Variants in PCDH1 observed in about 807,000 individuals in gnomAD.
PCDH1 encodes the protein protocadherin-1.
In PCDH1, 23 loss-of-function variants were observed where a neutral mutation model predicts 74.6. The ratio of observed to expected loss-of-function variants is 0.31; its 90% CI spans 0.22 to 0.44. The LOEUF is 0.44. PCDH1 is among the 20% of genes least tolerant of loss of function. The probability of loss-of-function intolerance (pLI) is 1.00; values close to 1 mark genes in which losing one functional copy is unlikely to be tolerated. For synonymous variants in PCDH1, 647 were observed against 686.1 expected, an observed-to-expected ratio of 0.94 and a Z score of 0.89; for missense variants, 1,214 against 1,641.4, an observed-to-expected ratio of 0.74 and a Z score of 4.50.
chr5:141,877,873 C>G (rs1753279363), intron 1 of PCDH1, among the ~76,000 whole-genome samples: 1 of 152,192 alleles, frequency 6.6e-6, no homozygotes, highest in Non-Finnish European at 1.5e-5. Flanking sequence ...AGACCCCCAC[C>G]AAACTGGGGG....
chr5:141,863,777 T>A lies in PCDH1; in HGVS notation c.2554A>T (p.Asn852Tyr). ...CCAGCCACCACACCAAAGAGAATGT[T>A]GCCACGCTGCTTGGAGCGCTCATAT... Reference protein sequence around the residue: ...PEYERSKQRGNILFGVVAGVV... With the variant: ...PEYERSKQRGYILFGVVAGVV... Residue 852 changes from asparagine (N) to tyrosine (Y), a missense_variant, in exon 3 of 5, where the codon AAC becomes TAC. Transcript: ENST00000287008. This position sits in a 1 kb window ranked among gnomAD's most constrained non-coding sequence, Gnocchi z 7.5. 4 of 1,614,194 alleles carry A rather than the reference T, an allele frequency of 2.5e-6. No individual in the cohort carries two copies. The highest frequency in any genetic ancestry group is 2.5e-6 in the Non-Finnish European group (3 of 1,180,032).
chr5:141,866,014 G>T, intron 2 of PCDH1: 1 of 985,128 alleles, frequency 1.0e-6, no homozygotes, highest in Non-Finnish European at 1.2e-6. Context: ...TGATTTTTGT[G>T]TGAGAAGGTA....
chr5:141,878,203 C>T lies in PCDH1; in HGVS notation c.40+20G>A, dbSNP rs1254219969. On this transcript the variant is annotated intron_variant, in intron 1 of 4. Coordinates refer to ENST00000287008, the MANE Select transcript of PCDH1 (RefSeq NM_032420.5). The surrounding 1 kb of genome is among the most constrained non-coding windows in gnomAD (Gnocchi z 5.5). Reference sequence around the variant, plus strand: ...TCGGGCCCCAAGCCGCTGCTGCCTCCACCGCCGCCGGATCCTTACCCGCCT... The same window carrying T: ...TCGGGCCCCAAGCCGCTGCTGCCTCTACCGCCGCCGGATCCTTACCCGCCT... 7.0e-7 allele frequency: 1 copy of T among 1,430,510 alleles called. No homozygotes were observed. The allele number at this position is 1,430,510 out of a possible 1,614,324, so 88.6% of individuals were successfully genotyped here.
chr5:141,877,509 G>GTGAC (rs1438757019), intron 1 of PCDH1, among the ~76,000 whole-genome samples: 1 of 152,196 alleles, frequency 6.6e-6, no homozygotes, highest in East Asian at 1.9e-4. Context: ...AACTGTGGCT[G>GTGAC]TGACACTCGT....
chr5:141,860,140 G>A (rs1752508972), intron 3 of PCDH1, among the ~76,000 whole-genome samples: 1 of 152,086 alleles, frequency 6.6e-6, no homozygotes, highest in Non-Finnish European at 1.5e-5. Flanking sequence ...TCCATGTCTT[G>A]TACAAGTTTT....
intron 1 of PCDH1, among the ~76,000 whole-genome samples, chr5:141,873,316 T>C (rs1182671352): frequency 2.7e-5 from 4 of 147,878 alleles, no homozygotes; most frequent in African/African-American, 7.5e-5. Flanking sequence ...TTTTTTTGTA[T>C]TTTAGTAGAG....
In PCDH1 at chr5:141,865,681, A is replaced by G. The variant is rs1254371794; in HGVS notation, c.904-254T>C. Among the ~76,000 whole-genome samples, 1 of 152,192 alleles carries G rather than the reference A, an allele frequency of 6.6e-6. No individual in the cohort carries two copies. Among genetic ancestry groups the G allele is most frequent in the Non-Finnish European group, 1.5e-5 (1 of 68,040 alleles). On this transcript the variant is annotated intron_variant, in intron 2 of 4. Transcript: ENST00000287008. The surrounding 1 kb of genome is among the most constrained non-coding windows in gnomAD (Gnocchi z 4.4). ...ATCCTCAACAGTGCTACAGGCAACT[A>G]TTGGAGATGGGACAGGGCAGAATTA...
chr5:141,861,276 T>C (rs1315745834), intron 3 of PCDH1, among the ~76,000 whole-genome samples: 1 of 152,166 alleles, frequency 6.6e-6, no homozygotes, highest in African/African-American at 2.4e-5. Context: ...TGGCCATTTT[T>C]TCATCAGGGT....
intron 1 of PCDH1, among the ~76,000 whole-genome samples, chr5:141,873,450 CGTT>C (rs2126832243): frequency 7.0e-6 from 1 of 142,958 alleles, no homozygotes; most frequent in Non-Finnish European, 1.5e-5. Context: ...GTCCTGCAAA[CGTT>C]TTTTTTTTCT....
intron 1 of PCDH1, among the ~76,000 whole-genome samples, chr5:141,874,907 T>C (rs1753182044): frequency 6.6e-6 from 1 of 151,502 alleles, no homozygotes; most frequent in African/African-American, 2.4e-5. Flanking sequence ...AGAGAGCAAG[T>C]GTGCAGACCT....
chr5:141,875,102 C>G (rs1389234215), intron 1 of PCDH1, among the ~76,000 whole-genome samples: 1 of 152,168 alleles, frequency 6.6e-6, no homozygotes, highest in Admixed American at 6.5e-5. Context: ...TGAAACCTGC[C>G]TCTTGAAATT....
chr5:141,872,013 T>C (rs1753106047), intron 1 of PCDH1, among the ~76,000 whole-genome samples: 1 of 152,184 alleles, frequency 6.6e-6, no homozygotes, highest in South Asian at 2.1e-4. Flanking sequence ...CTGTATGGCC[T>C]TCCCCAAGCA....
chr5:141,876,637 G>C lies in PCDH1; in HGVS notation c.40+1586C>G, dbSNP rs566237778. ...GAGGGTAGCTGGGGGGAAGGGGTGC[G>C]AGACCACCTCGCCTACAAATTCTGC... is the stretch of plus-strand genomic sequence containing the variant. On this transcript the variant is annotated intron_variant, in intron 1 of 4. Transcript: ENST00000287008. 1.1e-3 allele frequency among the ~76,000 whole-genome samples: 175 copies of C among 152,226 alleles called. 1 individual carries two copies. The highest frequency in any genetic ancestry group is 4.0e-3 in the African/African-American group (167 of 41,536).
chr5:141,864,424 A>G lies in PCDH1; in HGVS notation c.1907T>C (p.Val636Ala). 6.2e-7 allele frequency: 1 copy of G among 1,614,080 alleles called. No homozygotes were observed. Among genetic ancestry groups the G allele is most frequent in the Non-Finnish European group, 8.5e-7 (1 of 1,180,000 alleles). ...ATTCTCCCCCTTGTCTCCATCAATG[A>G]CAGTCACCATGCCCACTGGACTCAG... is the stretch of plus-strand genomic sequence containing the variant. ...PALSPVGMVT[V>A]IDGDKGENAQ... The change falls in exon 3 of 5, where the codon GTC becomes GCC. Residue 636 changes from valine (V) to alanine (A), a missense_variant. Physicochemically the swap from Val to Ala is moderately conservative, Grantham distance 64 (BLOSUM62 0). Around this residue, in one of 4 missense-constraint regions of PCDH1, gnomAD observed 836 missense variants for 1,182.2 expected, o/e 0.71. Coordinates refer to ENST00000287008, the MANE Select transcript of PCDH1 (RefSeq NM_032420.5). The surrounding 1 kb of genome is among the most constrained non-coding windows in gnomAD (Gnocchi z 5.9).
In PCDH1 at chr5:141,863,641, T is replaced by C. The variant is rs1275878552; in HGVS notation, c.2690A>G (p.Tyr897Cys). ...QAGKKETKDL[Y>C]APKPSGKASK... is the part of the protein sequence containing the mutation. ...GGCCTTGCCACTGGGCTTGGGGGCA[T>C]ACAGGTCCTTGGTCTCCTTCTTACC... The change falls in exon 3 of 5, where the codon TAT (tyrosine) becomes TGT (cysteine). Residue 897 changes from tyrosine to cysteine, a missense_variant. This residue lies in a region of PCDH1 where 836 missense variants were observed against 1,182.2 expected (regional missense o/e 0.71). Coordinates refer to ENST00000287008, the MANE Select transcript of PCDH1 (RefSeq NM_032420.5). This position sits in a 1 kb window ranked among gnomAD's most constrained non-coding sequence, Gnocchi z 7.5. 4 of 1,614,208 alleles carry C rather than the reference T, an allele frequency of 2.5e-6. No individual in the cohort carries two copies. The highest frequency in any genetic ancestry group is 3.4e-6 in the Non-Finnish European group (4 of 1,180,024).
At chr5:141,876,624 G>A (rs1247645196) in intron 1 of PCDH1, among the ~76,000 whole-genome samples, 1 of 152,138 alleles carries the variant, frequency 6.6e-6, no homozygotes, top group Non-Finnish European at 1.5e-5. Flanking sequence ...GGGTAGCTGG[G>A]GGGAAGGGGT....
At chr5:141,872,048 G>A (rs1156664031) in intron 1 of PCDH1, among the ~76,000 whole-genome samples, 2 of 152,052 alleles carry the variant, frequency 1.3e-5, no homozygotes, top group African/African-American at 2.4e-5. Context: ...AAGTGTGTGC[G>A]GCGTTATCAG....
In PCDH1 at chr5:141,863,317, C is replaced by T; in HGVS notation, c.3014G>A (p.Gly1005Asp). Reference sequence around the variant, plus strand: ...GCCCGTGGACGTGGTGTCCCCGGTGCCCACGAATGTGTTTGCAGGTGGCAG... The same window carrying T: ...GCCCGTGGACGTGGTGTCCCCGGTGTCCACGAATGTGTTTGCAGGTGGCAG... ...QDLPPANTFV[G>D]TGDTTSTGSE... is the part of the protein sequence containing the mutation. Residue 1005 changes from glycine (G) to aspartate (D), a missense_variant, in exon 3 of 5, where the codon GGC becomes GAC. By Grantham distance (94) the Gly-to-Asp change is moderately conservative. This residue lies in a region of PCDH1 where 836 missense variants were observed against 1,182.2 expected (regional missense o/e 0.71). Transcript: ENST00000287008. The surrounding 1 kb of genome is among the most constrained non-coding windows in gnomAD (Gnocchi z 7.5). The T allele has an allele frequency of 1.3e-6, 2 of 1,551,698 alleles. No individual in the cohort carries two copies. Among genetic ancestry groups the T allele is most frequent in the Admixed American group, 1.9e-5 (1 of 52,032 alleles).
At chr5:141,861,993 G>C (rs572341527) in intron 3 of PCDH1, among the ~76,000 whole-genome samples, 2 of 152,046 alleles carry the variant, frequency 1.3e-5, no homozygotes, top group East Asian at 3.9e-4. Flanking sequence ...CCCTAAGAGT[G>C]GGGGTGCAGG....
Sources: gnomAD v4.1 joint callset for allele counts (sites outside exome capture counted in the v4.1 genomes callset) on GRCh38, gnomAD v4.1.1 for gene constraint, gnomAD v4.1.1 regional missense constraint, Gnocchi (gnomAD v3.1) non-coding constraint, MANE v1.5 for transcripts, NCBI Gene and HGNC (gene_info 2026-07-23, HGNC 2026-07-21) for gene names.